The following CACNA1C variants were observed in gnomAD, a reference collection of about 807,000 sequenced individuals.
CACNA1C encodes the protein voltage-dependent L-type calcium channel subunit alpha-1C.
CACNA1C carries 30 observed loss-of-function variants against 229.0 expected under a neutral mutation model. The observed-to-expected ratio is 0.13, with a 90% confidence interval of 0.10 to 0.18. CACNA1C has a LOEUF of 0.18. CACNA1C is among the 10% of genes least tolerant of loss of function. The pLI is 1.00. For synonymous variants in CACNA1C, 1,114 were observed against 1,132.5 expected, an observed-to-expected ratio of 0.98 and a Z score of 0.33; for missense variants, 1,658 against 2,845.0, an observed-to-expected ratio of 0.58 and a Z score of 9.49.
chr12:2,146,878 C>A (rs2094765484), intron 3 of CACNA1C, among the ~76,000 whole-genome samples: 1 of 146,346 alleles, frequency 6.8e-6, no homozygotes, highest in Non-Finnish European at 1.5e-5. Context: ...CAGGGCTGGA[C>A]CCAAGCAGGG....
intron 3 of CACNA1C, among the ~76,000 whole-genome samples, chr12:2,239,985 T>G (rs376325984): frequency 2.0e-4 from 31 of 152,330 alleles, no homozygotes; most frequent in African/African-American, 7.5e-4. Flanking sequence ...TTTTAAAAAG[T>G]GATTTGTGAA....
intron 11 of CACNA1C, among the ~76,000 whole-genome samples, chr12:2,558,422 C>T (rs185415884): frequency 2.0e-5 from 3 of 152,332 alleles, no homozygotes; most frequent in Non-Finnish European, 1.5e-5. Flanking sequence ...TCCACCTCTG[C>T]TCTCTGACCC....
intron 3 of CACNA1C, among the ~76,000 whole-genome samples, chr12:2,374,552 C>T (rs1418861833): frequency 6.6e-6 from 1 of 152,210 alleles, no homozygotes; most frequent in African/African-American, 2.4e-5. Flanking sequence ...GGGAACTCAG[C>T]CAGGGTGGTT....
intron 3 of CACNA1C, among the ~76,000 whole-genome samples, chr12:2,308,480 G>T (rs2095225584): frequency 6.6e-6 from 1 of 152,152 alleles, no homozygotes; most frequent in South Asian, 2.1e-4. Context: ...CCTTGTCAAA[G>T]ATTAGTTAAC....
At chr12:2,587,656 T>C (rs572111185) in intron 18 of CACNA1C, among the ~76,000 whole-genome samples, 49 of 152,266 alleles carry the variant, frequency 3.2e-4, no homozygotes, top group African/African-American at 1.2e-3. Context: ...ATCCTAGAAA[T>C]GCCTCTCACG....
rs150375805 is a variant in CACNA1C at position 2,159,539 on chromosome 12, A to G, written c.477+39109A>G. 5.5e-4 allele frequency among the ~76,000 whole-genome samples: 83 copies of G among 152,062 alleles called. No individual in the cohort carries two copies. In the East Asian group the frequency reaches 0.015, roughly 28 times the overall value. On this transcript the variant is annotated intron_variant, in intron 3 of 46. Transcript: ENST00000399655. The stretch of plus-strand genomic sequence containing the variant: ...TTAAATGTATGCATAAGAGATAAAG[A>G]TTAAAACTAGAAAAATGAATAGCTG...
At chr12:2,573,051 T>C (rs1471328475) in intron 13 of CACNA1C, among the ~76,000 whole-genome samples, 1 of 151,332 alleles carries the variant, frequency 6.6e-6, no homozygotes, top group Non-Finnish European at 1.5e-5. Flanking sequence ...TCTTCTTCTC[T>C]TCCCTCTTCT....
At chr12:2,331,784 A>C (rs1274974107) in intron 3 of CACNA1C, among the ~76,000 whole-genome samples, 1 of 152,254 alleles carries the variant, frequency 6.6e-6, no homozygotes, top group African/African-American at 2.4e-5. Flanking sequence ...ATATTAGACA[A>C]ACCCAAATTG....
intron 3 of CACNA1C, among the ~76,000 whole-genome samples, chr12:2,187,778 C>T (rs554412126): frequency 5.9e-5 from 9 of 152,232 alleles, no homozygotes; most frequent in East Asian, 1.9e-4. Context: ...GAGCAAAAGC[C>T]GACTTTGCTC....
upstream of CACNA1C, among the ~76,000 whole-genome samples, chr12:2,052,631 C>G (rs1304716892): frequency 2.1e-5 from 3 of 144,532 alleles, no homozygotes; most frequent in Admixed American, 2.1e-4. Context: ...CCGCGGCCAC[C>G]GCGGCTGGCG....
At chr12:2,058,210 G>A (rs2154513985) in intron 1 of CACNA1C, among the ~76,000 whole-genome samples, 1 of 152,306 alleles carries the variant, frequency 6.6e-6, no homozygotes, top group South Asian at 2.1e-4. Context: ...GTGGCTGGCA[G>A]CACTTTCTTC....
At chr12:2,064,366 G>A (rs773764559) in intron 1 of CACNA1C, among the ~76,000 whole-genome samples, 2 of 152,214 alleles carry the variant, frequency 1.3e-5, no homozygotes, top group Admixed American at 6.5e-5. Context: ...TAAGCCTGGG[G>A]ACTGTTGGGA....
intron 1 of CACNA1C, among the ~76,000 whole-genome samples, chr12:2,077,417 AAGT>A (rs60529851): frequency 0.76 from 115,148 of 151,540 alleles, 44,132 homozygotes; most frequent in Middle Eastern, 0.83. Context: ...GAGGAAGATG[AAGT>A]AGTAGTATTG....
chr12:2,124,778 C>T (rs1308601180), intron 3 of CACNA1C, among the ~76,000 whole-genome samples: 4 of 152,028 alleles, frequency 2.6e-5, no homozygotes, highest in Non-Finnish European at 4.4e-5. Context: ...AGCCAGGTGC[C>T]CTTGGCCAGG....
rs927611108 is a variant in CACNA1C at position 2,493,674 on chromosome 12, C to T, written c.1113+288C>T. Among the ~76,000 whole-genome samples the T allele has an allele frequency of 1.3e-5, 2 of 152,158 alleles. No homozygotes were observed. The highest frequency in any genetic ancestry group is 1.3e-4 in the Admixed American group (2 of 15,278). Reference sequence around the variant, plus strand: ...GGTGTGCAGGCATGGATGAGCTGGCCAGGCTGGCACAAGGGTTCCGTTCAA... The same window carrying T: ...GGTGTGCAGGCATGGATGAGCTGGCTAGGCTGGCACAAGGGTTCCGTTCAA... On this transcript the variant is annotated intron_variant, in intron 7 of 46. Coordinates refer to ENST00000399655, the MANE Select transcript of CACNA1C (RefSeq NM_000719.7). The surrounding 1 kb of genome is among the most constrained non-coding windows in gnomAD (Gnocchi z 4.6).
At chr12:2,612,118 G>A (rs1488754066) in intron 29 of CACNA1C, 105 bp downstream of exon 29, 8 of 725,690 alleles carry the variant, frequency 1.1e-5, no homozygotes. Flanking sequence ...AGGGAAAAAG[G>A]CATCGGTGAA....
rs575537382 is a variant in CACNA1C, at chr12:1,972,719, C to T, written c.139+1518C>T. The stretch of plus-strand genomic sequence containing the variant: ...TTGTTTTTACATATTGGATTGAGTT[C>T]TAGGCTTGGTTATAAAAGACTGGAA... On this transcript the variant is annotated intron_variant, in intron 1 of 46. Coordinates refer to the CACNA1C transcript ENST00000682462. Among the ~76,000 whole-genome samples, 13 of 151,712 alleles carry T rather than the reference C, an allele frequency of 8.6e-5. No homozygotes were observed. In the South Asian group the frequency reaches 2.7e-3, roughly 32 times the overall value.
chr12:1,980,090 G>C (rs944670670), intron 1 of CACNA1C, among the ~76,000 whole-genome samples: 1 of 152,102 alleles, frequency 6.6e-6, no homozygotes, highest in African/African-American at 2.4e-5. Context: ...CATACACTAT[G>C]TCCCCATCAA....
At chr12:2,135,261 C>A (rs1374757799) in intron 3 of CACNA1C, among the ~76,000 whole-genome samples, 1 of 145,416 alleles carries the variant, frequency 6.9e-6, no homozygotes, top group Non-Finnish European at 1.5e-5. Context: ...AGTGTCCTCC[C>A]GTAGCTCAGA....
Sources: gnomAD v4.1 joint callset for allele counts (sites outside exome capture counted in the v4.1 genomes callset) on GRCh38, gnomAD v4.1.1 for gene constraint, Gnocchi (gnomAD v3.1) non-coding constraint, MANE v1.5 for transcripts, NCBI Gene and HGNC (gene_info 2026-07-23, HGNC 2026-07-21) for gene names.